SAMD13: variants seen among roughly 807,000 people sequenced by gnomAD.
SAMD13 encodes the protein sterile alpha motif domain-containing protein 13.
Under a neutral mutation model 12.4 loss-of-function variants are expected in SAMD13, and 9 were observed. That is an observed-to-expected ratio of 0.72 (90% CI 0.44 to 1.26). The LOEUF (loss-of-function observed/expected upper bound fraction) is 1.26. SAMD13 is among the 50% of genes most tolerant of loss of function. SAMD13 has a pLI of 0.00. For missense variants in SAMD13, 84 were observed against 119.6 expected, an observed-to-expected ratio of 0.70 and a Z score of 1.39; for synonymous variants, 46 against 45.4, an observed-to-expected ratio of 1.01 and a Z score of -0.05.
chr1:84,343,919 G>T (rs1187009245), intron 3 of SAMD13, among the ~76,000 whole-genome samples: 1 of 152,026 alleles, frequency 6.6e-6, no homozygotes, highest in Non-Finnish European at 1.5e-5. Context: ...GACAATATAT[G>T]GGAGGTCTTC....
intron 3 of SAMD13, among the ~76,000 whole-genome samples, chr1:84,347,887 C>T (rs1354310854): frequency 6.6e-6 from 1 of 152,168 alleles, no homozygotes; most frequent in Non-Finnish European, 1.5e-5. Flanking sequence ...GAGTCAATTC[C>T]TGTGTCCTTA....
chr1:84,333,017 T>C (rs1679224045), intron 3 of SAMD13, among the ~76,000 whole-genome samples: 1 of 152,194 alleles, frequency 6.6e-6, no homozygotes, highest in Admixed American at 6.5e-5. Context: ...TTTGTCAACT[T>C]TGTCAAAGCT....
chr1:84,344,924 G>A, intron 3 of SAMD13: 2 of 456,672 alleles, frequency 4.4e-6, no homozygotes, highest in South Asian at 3.1e-5. Context: ...AGATGGCAGA[G>A]ACAAAAAACA....
chr1:84,327,355 G>A (rs1679080628), intron 3 of SAMD13, among the ~76,000 whole-genome samples: 2 of 152,214 alleles, frequency 1.3e-5, no homozygotes, highest in East Asian at 1.9e-4. Context: ...ATACTGAATG[G>A]TTCCATTTAG....
At chr1:84,340,403 CA>C (rs1228801573) in intron 3 of SAMD13, among the ~76,000 whole-genome samples, 1 of 151,848 alleles carries the variant, frequency 6.6e-6, no homozygotes, top group African/African-American at 2.4e-5. Flanking sequence ...TAAAAGTTAC[CA>C]GAGGTTTGGG....
chr1:84,343,714 G>A (rs1190993546), intron 3 of SAMD13, among the ~76,000 whole-genome samples: 4 of 152,138 alleles, frequency 2.6e-5, no homozygotes, highest in Non-Finnish European at 5.9e-5. Flanking sequence ...GGGGTGGGTT[G>A]GGGAGAAGGA....
intron 2 of SAMD13, among the ~76,000 whole-genome samples, chr1:84,322,506 T>C (rs1007344160): frequency 3.3e-5 from 5 of 152,166 alleles, no homozygotes; most frequent in African/African-American, 1.2e-4. Context: ...TCTCTGGTTG[T>C]TAGTCCATTG....
chr1:84,313,261 T>TG (rs1678754620), intron 2 of SAMD13, among the ~76,000 whole-genome samples: 2 of 152,108 alleles, frequency 1.3e-5, no homozygotes, highest in Non-Finnish European at 2.9e-5. Flanking sequence ...ACAAATAAGC[T>TG]TTTATTGAAC....
chr1:84,329,914 C>T (rs749769041), intron 3 of SAMD13, among the ~76,000 whole-genome samples: 2 of 152,128 alleles, frequency 1.3e-5, no homozygotes, highest in African/African-American at 2.4e-5. Flanking sequence ...GGGAGTCTGG[C>T]GTACTGCACT....
At chr1:84,314,388 G>A (rs1678784568) in intron 2 of SAMD13, among the ~76,000 whole-genome samples, 1 of 152,152 alleles carries the variant, frequency 6.6e-6, no homozygotes, top group Non-Finnish European at 1.5e-5. Flanking sequence ...GTAACTATGT[G>A]CATGATCACT....
chr1:84,321,907 T>C (rs1678954695), intron 2 of SAMD13, among the ~76,000 whole-genome samples: 2 of 152,162 alleles, frequency 1.3e-5, no homozygotes, highest in East Asian at 3.9e-4. Context: ...AGTGAAATCA[T>C]CCATCGTGCA....
intron 3 of SAMD13, among the ~76,000 whole-genome samples, chr1:84,340,939 A>G (rs1314609636): frequency 1.3e-5 from 2 of 152,238 alleles, no homozygotes; most frequent in African/African-American, 4.8e-5. Flanking sequence ...ACCTCATCCC[A>G]TGATGGCCCT....
chr1:84,301,271 A>G (rs561768800), upstream of SAMD13, among the ~76,000 whole-genome samples: 1,015 of 152,358 alleles, frequency 6.7e-3, 7 homozygotes, highest in Non-Finnish European at 0.011. Context: ...GGAAAAAAAG[A>G]GTAACATGGG....
intron 3 of SAMD13, 60 bp from the exon 4 acceptor site, chr1:84,349,571 C>CTTCA: frequency 6.4e-7 from 1 of 1,550,972 alleles, no homozygotes; most frequent in East Asian, 2.3e-5. Context: ...TTCCTTTTGT[C>CTTCA]TTCATTATCC....
At chr1:84,344,019 C>A (rs1307408374) in intron 3 of SAMD13, among the ~76,000 whole-genome samples, 3 of 151,198 alleles carry the variant, frequency 2.0e-5, no homozygotes, top group African/African-American at 7.3e-5. Flanking sequence ...ATAAAATGGG[C>A]CTTATGTATT....
intron 3 of SAMD13, chr1:84,344,733 T>C (rs1247422480): frequency 8.2e-6 from 3 of 364,454 alleles, no homozygotes; most frequent in Admixed American, 7.4e-5. Flanking sequence ...TCCCCTGATA[T>C]TAAGAAGGCT....
chr1:84,333,546 T>A (rs1192014732), intron 3 of SAMD13, among the ~76,000 whole-genome samples: 1 of 152,184 alleles, frequency 6.6e-6, no homozygotes, highest in Non-Finnish European at 1.5e-5. Context: ...TTAGGAATGC[T>A]ACTGATTTTT....
intron 1 of SAMD13, among the ~76,000 whole-genome samples, chr1:84,302,495 G>C (rs185344903): frequency 2.2e-3 from 324 of 150,460 alleles, no homozygotes; most frequent in Middle Eastern, 3.5e-3. Context: ...TAAATGTTTT[G>C]ATGATTTTTC....
At chr1:84,316,400 A>G (rs947783758) in intron 2 of SAMD13, among the ~76,000 whole-genome samples, 1 of 152,256 alleles carries the variant, frequency 6.6e-6, no homozygotes, top group African/African-American at 2.4e-5. Context: ...TATTTTGTGT[A>G]TGGTAAAAGA....
Sources: allele counts gnomAD v4.1 joint callset (sites outside exome capture counted in the v4.1 genomes callset), GRCh38; gene constraint gnomAD v4.1.1; transcripts MANE v1.5; gene names NCBI Gene and HGNC (gene_info 2026-07-23, HGNC 2026-07-21).